ADAM32: variants seen among roughly 807,000 people sequenced by gnomAD.
The protein encoded by ADAM32 is disintegrin and metalloproteinase domain-containing protein 32.
A neutral mutation model predicts 114.9 loss-of-function variants in ADAM32; 89 were observed. That is an observed-to-expected ratio of 0.77 (90% CI 0.65 to 0.92). The LOEUF (loss-of-function observed/expected upper bound fraction) is 0.92, where lower values mean the gene tolerates loss of function less well. ADAM32 is among the 40% of genes least tolerant of loss of function. ADAM32 has a pLI of 0.00. For missense variants in ADAM32, 870 were observed against 932.8 expected (o/e 0.93, Z 0.88); for synonymous variants, 285 against 307.5 (o/e 0.93, Z 0.77).
chr8:39,150,435 G>A (rs1803753912), intron 5 of ADAM32, among the ~76,000 whole-genome samples: 1 of 152,148 alleles, frequency 6.6e-6, no homozygotes, highest in African/African-American at 2.4e-5. Context: ...AGATAAAGAA[G>A]AGATGCTTTT....
intron 3 of ADAM32, among the ~76,000 whole-genome samples, chr8:39,138,489 C>A (rs1802941824): frequency 6.6e-6 from 1 of 152,166 alleles, no homozygotes; most frequent in African/African-American, 2.4e-5. Context: ...CATGTCCCTG[C>A]AAAGGACATA....
intron 3 of ADAM32, among the ~76,000 whole-genome samples, chr8:39,145,946 G>T (rs1803481101): frequency 6.6e-6 from 1 of 152,050 alleles, no homozygotes; most frequent in Non-Finnish European, 1.5e-5. Context: ...ACCCAGGCTG[G>T]TCTCGAACTC....
chr8:39,277,161 TG>T (rs939998249), intron 22 of ADAM32, among the ~76,000 whole-genome samples: 1 of 152,198 alleles, frequency 6.6e-6, no homozygotes, highest in African/African-American at 2.4e-5. Flanking sequence ...TCTCTCACCC[TG>T]AAACCCTGTT....
intron 11 of ADAM32, among the ~76,000 whole-genome samples, chr8:39,209,306 G>A (rs755928549): frequency 8.0e-4 from 122 of 151,952 alleles, no homozygotes; most frequent in Admixed American, 7.2e-4. Context: ...ATTGCTCCAG[G>A]AATTCTGCTT....
At position 39,187,036 on chromosome 8, in the gene ADAM32, C is replaced by A; in HGVS notation, c.1043C>A (p.Pro348Gln). The A allele has an allele frequency of 6.2e-7, 1 of 1,602,820 alleles. No individual in the cohort carries two copies. The highest frequency in any genetic ancestry group is 1.1e-5 in the South Asian group (1 of 87,928). The change falls in exon 11 of 25, where the codon CCA (proline) becomes CAA (glutamine). Residue 348 changes from proline to glutamine, a missense_variant. Coordinates refer to ENST00000379907, the MANE Select transcript of ADAM32 (RefSeq NM_145004.7). ...QCSESTCIMN[P>Q]EVVQSNGVKT... ...TCAGAATCCACCTGTATAATGAATCCAGAAGTTGTGTAAGTTTTAACAATT... is the reference window on the plus strand; with the variant it reads ...TCAGAATCCACCTGTATAATGAATCAAGAAGTTGTGTAAGTTTTAACAATT...
chr8:39,224,847 C>A (rs1426016628), intron 14 of ADAM32, among the ~76,000 whole-genome samples: 1 of 152,102 alleles, frequency 6.6e-6, no homozygotes, highest in Non-Finnish European at 1.5e-5. Flanking sequence ...TCTAAGAACC[C>A]TCTGGCAGCA....
intron 2 of ADAM32, among the ~76,000 whole-genome samples, chr8:39,131,655 T>A (rs1264750332): frequency 6.6e-6 from 1 of 152,214 alleles, no homozygotes; most frequent in Non-Finnish European, 1.5e-5. Flanking sequence ...TGGTATTTAA[T>A]GTGTGTGCAC....
At chr8:39,152,887 ATG>A (rs1486157119) in intron 6 of ADAM32, among the ~76,000 whole-genome samples, 3 of 152,206 alleles carry the variant, frequency 2.0e-5, no homozygotes, top group Non-Finnish European at 4.4e-5. Flanking sequence ...CAAGCATAAT[ATG>A]TGTTACTTCT....
chr8:39,251,461 A>T (rs1811302545), intron 17 of ADAM32, among the ~76,000 whole-genome samples: 1 of 151,872 alleles, frequency 6.6e-6, no homozygotes, highest in African/African-American at 2.4e-5. Flanking sequence ...TCTCATAATT[A>T]GTGATGTTGA....
chr8:39,221,525 A>C (rs1456225003), intron 12 of ADAM32, 85 bp from the exon 13 acceptor site: 1 of 1,042,678 alleles, frequency 9.6e-7, no homozygotes, highest in Non-Finnish European at 1.4e-6. Flanking sequence ...AAATTCAAAC[A>C]GTAAGCCCAT....
intron 11 of ADAM32, among the ~76,000 whole-genome samples, chr8:39,191,919 T>C (rs1806639488): frequency 6.6e-6 from 1 of 152,186 alleles, no homozygotes; most frequent in African/African-American, 2.4e-5. Context: ...CTTGAGTTGA[T>C]TTATGTATAT....
At chr8:39,192,265 G>A (rs774493481) in intron 11 of ADAM32, among the ~76,000 whole-genome samples, 4 of 152,108 alleles carry the variant, frequency 2.6e-5, no homozygotes, top group Non-Finnish European at 2.9e-5. Context: ...TTACCATTAT[G>A]TAATGCCCTT....
intron 7 of ADAM32, among the ~76,000 whole-genome samples, chr8:39,163,492 T>C (rs1804639498): frequency 6.6e-6 from 1 of 151,968 alleles, no homozygotes; most frequent in Non-Finnish European, 1.5e-5. Flanking sequence ...AAGAGACTGT[T>C]CTAGTAATCA....
At chr8:39,114,593 T>G (rs940178103) in intron 1 of ADAM32, among the ~76,000 whole-genome samples, 13 of 152,248 alleles carry the variant, frequency 8.5e-5, no homozygotes, top group African/African-American at 2.9e-4. Flanking sequence ...CCTTGTGGCT[T>G]CTTCTGGTAA....
At chr8:39,144,786 CA>C (rs1201747877) in intron 3 of ADAM32, among the ~76,000 whole-genome samples, 1 of 152,136 alleles carries the variant, frequency 6.6e-6, no homozygotes, top group African/African-American at 2.4e-5. Flanking sequence ...TTCTATTCAA[CA>C]TAGTATTGGA....
At chr8:39,196,467 G>T (rs1482473652) in intron 11 of ADAM32, among the ~76,000 whole-genome samples, 1 of 151,996 alleles carries the variant, frequency 6.6e-6, no homozygotes, top group African/African-American at 2.4e-5. Flanking sequence ...TGTTAGCTGT[G>T]GGTTTGTTAT....
At chr8:39,151,161 G>A (rs12678074) in intron 5 of ADAM32, among the ~76,000 whole-genome samples, 131,299 of 152,160 alleles carry the variant, frequency 0.86, 60,007 homozygotes, top group East Asian at 1. Flanking sequence ...TTGATTAAGT[G>A]ACTTCTGCTG....
intron 3 of ADAM32, among the ~76,000 whole-genome samples, chr8:39,139,551 A>G (rs1359866573): frequency 6.6e-6 from 1 of 152,212 alleles, no homozygotes; most frequent in Admixed American, 6.5e-5. Flanking sequence ...TTTTGGTACC[A>G]GTACCATGCT....
intron 5 of ADAM32, 44 bp downstream of exon 5, chr8:39,149,911 T>A: frequency 6.7e-7 from 1 of 1,495,598 alleles, no homozygotes; most frequent in African/African-American, 1.4e-5. Flanking sequence ...GTTATGATAT[T>A]TGGCTGCAGT....
Sources: gnomAD v4.1 joint callset for allele counts (sites outside exome capture counted in the v4.1 genomes callset) on GRCh38, gnomAD v4.1.1 for gene constraint, MANE v1.5 for transcripts, NCBI Gene and HGNC (gene_info 2026-07-23, HGNC 2026-07-21) for gene names.